CTNNA2: variants seen among roughly 807,000 people sequenced by gnomAD.
CTNNA2 encodes catenin alpha-2.
In CTNNA2, 42 loss-of-function variants were observed where a neutral mutation model predicts 101.0. The ratio of observed to expected loss-of-function variants is 0.42; its 90% CI spans 0.32 to 0.54. The LOEUF (loss-of-function observed/expected upper bound fraction) is 0.54. Ranked by LOEUF, CTNNA2 falls within the 20% of genes least tolerant of loss-of-function variation. CTNNA2 has a pLI of 0.14. For synonymous variants in CTNNA2, 450 were observed against 456.4 expected (o/e 0.99, Z 0.18); for missense variants, 871 against 1,223.1 (o/e 0.71, Z 4.29).
intron 1 of CTNNA2, among the ~76,000 whole-genome samples, chr2:79,584,765 C>G (rs892899144): frequency 6.6e-6 from 1 of 152,164 alleles, no homozygotes; most frequent in African/African-American, 2.4e-5. Context: ...GGTGATCCAT[C>G]TGCCTCAGCC....
At chr2:79,911,450 C>T (rs1045850401) in intron 7 of CTNNA2, among the ~76,000 whole-genome samples, 5 of 152,272 alleles carry the variant, frequency 3.3e-5, no homozygotes, top group South Asian at 2.1e-4. Flanking sequence ...AATCACAGAA[C>T]GTGACTAAAT....
At chr2:80,365,143 C>T (rs1345456801) in intron 7 of CTNNA2, among the ~76,000 whole-genome samples, 1 of 152,122 alleles carries the variant, frequency 6.6e-6, no homozygotes, top group African/African-American at 2.4e-5. Context: ...GTTGTCACCA[C>T]CTTTACCGTA....
At chr2:79,539,109 ACAG>A (rs1673248107) in intron 1 of CTNNA2, among the ~76,000 whole-genome samples, 1 of 152,238 alleles carries the variant, frequency 6.6e-6, no homozygotes, top group African/African-American at 2.4e-5. Flanking sequence ...AGGCACAAGT[ACAG>A]CAGACAGAGA....
intron 9 of CTNNA2, among the ~76,000 whole-genome samples, chr2:80,475,340 T>C (rs1232404453): frequency 1.3e-5 from 2 of 152,206 alleles, no homozygotes; most frequent in Non-Finnish European, 2.9e-5. Context: ...TGTTGGTCCA[T>C]GTAATACACA....
intron 7 of CTNNA2, among the ~76,000 whole-genome samples, chr2:80,020,380 T>C (rs1246365167): frequency 6.6e-6 from 1 of 152,162 alleles, no homozygotes; most frequent in African/African-American, 2.4e-5. Context: ...AAACAGTGTA[T>C]GATCTAGAAA....
intron 7 of CTNNA2, among the ~76,000 whole-genome samples, chr2:80,258,703 A>G (rs370068093): frequency 7.2e-5 from 11 of 152,316 alleles, no homozygotes; most frequent in African/African-American, 2.4e-4. Flanking sequence ...TTTCACAGGC[A>G]TCAAAACCAT....
At chr2:79,588,359 A>G (rs1278317886) in intron 1 of CTNNA2, among the ~76,000 whole-genome samples, 1 of 152,200 alleles carries the variant, frequency 6.6e-6, no homozygotes, top group East Asian at 1.9e-4. Context: ...ATATTACTTC[A>G]TACCACTAAT....
chr2:80,355,432 T>C (rs1474379002), intron 7 of CTNNA2, among the ~76,000 whole-genome samples: 2 of 152,130 alleles, frequency 1.3e-5, no homozygotes, highest in Non-Finnish European at 1.5e-5. Context: ...TTTGTGATGA[T>C]GAGGATGAGA....
intron 7 of CTNNA2, among the ~76,000 whole-genome samples, chr2:80,139,231 G>A (rs985389899): frequency 6.6e-6 from 1 of 152,084 alleles, no homozygotes; most frequent in Non-Finnish European, 1.5e-5. Flanking sequence ...GCCAATGCAC[G>A]CGTCTTGAGT....
chr2:80,025,294 G>A (rs543011666), intron 7 of CTNNA2, among the ~76,000 whole-genome samples: 1 of 152,146 alleles, frequency 6.6e-6, no homozygotes, highest in Non-Finnish European at 1.5e-5. Flanking sequence ...TGGAACCCTC[G>A]CCAGGGACCC....
chr2:79,685,705 G>A (rs1683884942), intron 2 of CTNNA2, among the ~76,000 whole-genome samples: 1 of 152,170 alleles, frequency 6.6e-6, no homozygotes, highest in South Asian at 2.1e-4. Flanking sequence ...CGGGTAATTG[G>A]TGAAACTGAG....
chr2:80,122,538 G>C (rs1440347634), intron 7 of CTNNA2, among the ~76,000 whole-genome samples: 1 of 152,250 alleles, frequency 6.6e-6, no homozygotes, highest in African/African-American at 2.4e-5. Flanking sequence ...TCATTTTCAA[G>C]CTGTTTCCAG....
At chr2:80,225,530 T>C (rs1708836108) in intron 7 of CTNNA2, among the ~76,000 whole-genome samples, 1 of 152,198 alleles carries the variant, frequency 6.6e-6, no homozygotes, top group Non-Finnish European at 1.5e-5. Flanking sequence ...TCCTTTGTGA[T>C]GTATATGTTT....
At chr2:79,387,169 G>A (rs919459315) in intron 4 of CTNNA2, among the ~76,000 whole-genome samples, 2 of 152,084 alleles carry the variant, frequency 1.3e-5, no homozygotes, top group Non-Finnish European at 2.9e-5. Flanking sequence ...TTAGATTCCT[G>A]GACTAGTGCT....
chr2:79,459,282 A>G (rs140606919), intron 4 of CTNNA2, among the ~76,000 whole-genome samples: 1 of 152,306 alleles, frequency 6.6e-6, no homozygotes, highest in East Asian at 1.9e-4. Context: ...AGTTCTAGGA[A>G]CAGAAAATAA....
At chr2:79,609,771 A>G (rs977443048) in intron 1 of CTNNA2, among the ~76,000 whole-genome samples, 2 of 152,156 alleles carry the variant, frequency 1.3e-5, no homozygotes, top group African/African-American at 2.4e-5. Flanking sequence ...TCTTCAATCC[A>G]TAACTTACAT....
At chr2:80,299,306 T>G (rs1003203761) in intron 7 of CTNNA2, 1 of 152,182 alleles carries the variant, frequency 6.6e-6, no homozygotes, top group Admixed American at 6.5e-5. Context: ...AGAAAAGATT[T>G]CAAGTGTTAC....
chr2:80,351,068 A>T (rs1284823316), intron 7 of CTNNA2, among the ~76,000 whole-genome samples: 2 of 152,166 alleles, frequency 1.3e-5, no homozygotes, highest in Non-Finnish European at 2.9e-5. Flanking sequence ...ACTTATATGC[A>T]TTTTGTTAGA....
At chr2:79,341,321 G>A (rs1309215102) in intron 3 of CTNNA2, among the ~76,000 whole-genome samples, 1 of 152,144 alleles carries the variant, frequency 6.6e-6, no homozygotes, top group Non-Finnish European at 1.5e-5. Context: ...ATGAATTAGT[G>A]GATATGGAAC....
Sources: gnomAD v4.1 joint callset for allele counts (sites outside exome capture counted in the v4.1 genomes callset) on GRCh38, gnomAD v4.1.1 for gene constraint, MANE v1.5 for transcripts, NCBI Gene and HGNC (gene_info 2026-07-23, HGNC 2026-07-21) for gene names.